The following FARS2 variants were observed in gnomAD, a reference collection of about 807,000 sequenced individuals.
FARS2 encodes the protein phenylalanyl-tRNA synthetase 2, mitochondrial, also known as phenylalanine--tRNA ligase, mitochondrial.
FARS2 carries 40 observed loss-of-function variants against 46.4 expected under a neutral mutation model. The observed-to-expected ratio is 0.86, with a 90% CI of 0.67 to 1.12. The LOEUF is 1.12. Ranked by LOEUF, FARS2 falls within the 50% of genes most tolerant of loss-of-function variation. The pLI, the probability that FARS2 is intolerant of heterozygous loss-of-function variation, is 0.00. For synonymous variants in FARS2, 234 were observed against 214.9 expected (o/e 1.09, Z -0.78); for missense variants, 513 against 567.9 (o/e 0.90, Z 0.98).
At chr6:5,309,955 T>C (rs1015605494) in intron 1 of FARS2, among the ~76,000 whole-genome samples, 5 of 152,128 alleles carry the variant, frequency 3.3e-5, no homozygotes, top group Non-Finnish European at 5.9e-5. Flanking sequence ...AGATACATTA[T>C]GAAGCTATAA....
At chr6:5,313,951 T>C (rs551010778) in intron 1 of FARS2, among the ~76,000 whole-genome samples, 4 of 152,292 alleles carry the variant, frequency 2.6e-5, no homozygotes, top group African/African-American at 9.6e-5. Flanking sequence ...TGTAGTGTGC[T>C]GGGGCATTGG....
intron 6 of FARS2, among the ~76,000 whole-genome samples, chr6:5,687,827 C>G (rs1262462275): frequency 6.6e-6 from 1 of 152,178 alleles, no homozygotes; most frequent in African/African-American, 2.4e-5. Flanking sequence ...TCTTCCTACC[C>G]ATGAGTGTGG....
At chr6:5,450,441 G>A (rs138776533) in intron 4 of FARS2, among the ~76,000 whole-genome samples, 10 of 151,994 alleles carry the variant, frequency 6.6e-5, no homozygotes, top group Middle Eastern at 3.4e-3. Context: ...GGTTTGGGGC[G>A]GCCTTGGTCT....
At chr6:5,446,069 G>C (rs147818180) in intron 4 of FARS2, among the ~76,000 whole-genome samples, 11,347 of 152,066 alleles carry the variant, frequency 0.075, 619 homozygotes, top group African/African-American at 0.15. Context: ...CGGGCGTGGG[G>C]GCGGGCACCT....
At chr6:5,683,340 G>T (rs140610449) in intron 6 of FARS2, among the ~76,000 whole-genome samples, 2 of 152,160 alleles carry the variant, frequency 1.3e-5, no homozygotes, top group African/African-American at 2.4e-5. Context: ...GGGACTAAGT[G>T]AGCAGGTGAA....
chr6:5,415,856 A>G (rs1762209188), intron 3 of FARS2, among the ~76,000 whole-genome samples: 1 of 152,254 alleles, frequency 6.6e-6, no homozygotes, highest in African/African-American at 2.4e-5. Flanking sequence ...ACAGGTGCTC[A>G]TCACAATGCC....
At chr6:5,423,453 G>C (rs1762673012) in intron 3 of FARS2, among the ~76,000 whole-genome samples, 1 of 151,982 alleles carries the variant, frequency 6.6e-6, no homozygotes, top group Admixed American at 6.6e-5. Flanking sequence ...AGTCCCAGGG[G>C]AACAGTGTGA....
intron 3 of FARS2, among the ~76,000 whole-genome samples, chr6:5,424,120 G>A (rs985432985): frequency 1.3e-5 from 2 of 152,144 alleles, no homozygotes; most frequent in African/African-American, 4.8e-5. Context: ...TGGGAGCTGC[G>A]TAAGAGGGTC....
intron 1 of FARS2, among the ~76,000 whole-genome samples, chr6:5,364,846 A>G (rs976270700): frequency 8.5e-4 from 129 of 152,282 alleles, no homozygotes; most frequent in African/African-American, 3.0e-3. Flanking sequence ...AGCCTGGGCA[A>G]TGTGGCGAAA....
At chr6:5,623,041 C>G (rs1297773562) in intron 6 of FARS2, among the ~76,000 whole-genome samples, 1 of 152,184 alleles carries the variant, frequency 6.6e-6, no homozygotes, top group South Asian at 2.1e-4. Flanking sequence ...TGAGTCCTGA[C>G]TTTCACACCT....
At chr6:5,494,403 G>T (rs891607629) in intron 4 of FARS2, among the ~76,000 whole-genome samples, 3 of 152,146 alleles carry the variant, frequency 2.0e-5, no homozygotes, top group African/African-American at 7.2e-5. Flanking sequence ...GTCTGTACTG[G>T]CTGCGGCTTC....
chr6:5,272,632 A>C (rs918685458), intron 1 of FARS2: 1 of 152,228 alleles, frequency 6.6e-6, no homozygotes, highest in Non-Finnish European at 1.5e-5. Context: ...TGTGATATCT[A>C]TCACCTTAAA....
At chr6:5,341,337 C>T (rs183095121) in intron 1 of FARS2, among the ~76,000 whole-genome samples, 119 of 142,878 alleles carry the variant, frequency 8.3e-4, no homozygotes, top group African/African-American at 1.2e-3. Flanking sequence ...CAGCTCCCCC[C>T]TCCCTCATCA....
At chr6:5,702,780 G>A (rs2150886751) in intron 6 of FARS2, among the ~76,000 whole-genome samples, 2 of 152,294 alleles carry the variant, frequency 1.3e-5, no homozygotes, top group South Asian at 4.2e-4. Context: ...TTTTATTTTG[G>A]TTTTCCTTTC....
chr6:5,372,875 A>G (rs1759144022), intron 2 of FARS2, among the ~76,000 whole-genome samples: 3 of 152,204 alleles, frequency 2.0e-5, no homozygotes, highest in Admixed American at 2.0e-4. Context: ...AATGGAAATC[A>G]TCAAATTAAG....
At chr6:5,717,933 T>TGAGAGAGAGAGAGAGAGAGAGAG (rs1554128878) in intron 6 of FARS2, among the ~76,000 whole-genome samples, 1 of 128,232 alleles carries the variant, frequency 7.8e-6, no homozygotes, top group Non-Finnish European at 1.6e-5. Context: ...TATATATATA[T>TGAGAGAGAGAGAGAGAGAGAGAG]ATACAGAGTC....
chr6:5,627,659 A>T (rs1441293483), intron 6 of FARS2, among the ~76,000 whole-genome samples: 1 of 152,248 alleles, frequency 6.6e-6, no homozygotes, highest in Non-Finnish European at 1.5e-5. Flanking sequence ...ACTATCAATT[A>T]CTGGGTCTTT....
chr6:5,740,696 G>A (rs1358927522), intron 6 of FARS2, among the ~76,000 whole-genome samples: 1 of 152,106 alleles, frequency 6.6e-6, no homozygotes, highest in Non-Finnish European at 1.5e-5. Context: ...CTGGAGACCT[G>A]CCTTTTATCC....
intron 4 of FARS2, among the ~76,000 whole-genome samples, chr6:5,506,252 T>C (rs1419809565): frequency 2.6e-5 from 4 of 152,054 alleles, no homozygotes; most frequent in African/African-American, 9.7e-5. Context: ...TTGCTCCTCC[T>C]AGGGAGTACT....
Sources: gnomAD v4.1 joint callset for allele counts (sites outside exome capture counted in the v4.1 genomes callset) on GRCh38, gnomAD v4.1.1 for gene constraint, MANE v1.5 for transcripts, NCBI Gene and HGNC (gene_info 2026-07-23, HGNC 2026-07-21) for gene names.